Variants in ASPH observed in about 807,000 individuals in gnomAD.
ASPH encodes aspartate beta-hydroxylase, also known as aspartyl/asparaginyl beta-hydroxylase.
ASPH carries 100 observed loss-of-function variants against 118.4 expected under a neutral mutation model. The observed-to-expected ratio is 0.84, with a 90% CI of 0.72 to 1.00. The LOEUF is 1.00. ASPH is among the 50% of genes least tolerant of loss of function. The pLI is 0.00. For missense variants in ASPH, 920 were observed against 919.5 expected, an observed-to-expected ratio of 1.00 and a Z score of -0.01; for synonymous variants, 315 against 325.6, an observed-to-expected ratio of 0.97 and a Z score of 0.35.
rs1206762846 is a variant in ASPH, at chr8:61,526,058, T to C, written c.1819A>G (p.Lys607Glu). ...TCAGGCAGGAAGAGACCTTTGGCTT[T>C]ATCCATCACTGCAAGGCCTTCATCT... is the stretch of plus-strand genomic sequence containing the variant. ...IRDEGLAVMDKAKGLFLPEDE... is the reference protein window; with the variant it reads ...IRDEGLAVMDEAKGLFLPEDE... The change falls in exon 22 of 25, where the codon AAA (lysine) becomes GAA (glutamate). Residue 607 changes from lysine to glutamate, a missense_variant. By Grantham distance (56) the Lys-to-Glu change is moderately conservative. Transcript: ENST00000379454. 1 of 1,613,932 alleles carries C rather than the reference T, an allele frequency of 6.2e-7. No individual in the cohort carries two copies. The highest frequency in any genetic ancestry group is 2.2e-5 in the East Asian group (1 of 44,890).
At chr8:61,688,094 C>A (rs1831265868) in intron 1 of ASPH, among the ~76,000 whole-genome samples, 1 of 152,120 alleles carries the variant, frequency 6.6e-6, no homozygotes, top group Non-Finnish European at 1.5e-5. Flanking sequence ...CATGGTAAGA[C>A]AAACCCTTAA....
intron 22 of ASPH, among the ~76,000 whole-genome samples, chr8:61,520,802 TCACAAG>T (rs1327275779): frequency 6.6e-6 from 1 of 152,182 alleles, no homozygotes; most frequent in African/African-American, 2.4e-5. Context: ...CCTGGAGTTC[TCACAAG>T]CACCAGGTGG....
intron 14 of ASPH, among the ~76,000 whole-genome samples, chr8:61,584,916 T>C (rs757709446): frequency 1.4e-4 from 21 of 152,190 alleles, no homozygotes; most frequent in Non-Finnish European, 2.6e-4. Flanking sequence ...ACGCTCCTTA[T>C]AAAGTTTCTC....
At chr8:61,517,709 A>T in intron 23 of ASPH, 48 bp from the exon 24 acceptor site, 1 of 1,591,040 alleles carries the variant, frequency 6.3e-7, no homozygotes, top group Middle Eastern at 1.7e-4. Context: ...CAAGGTGTGG[A>T]GGAACTGCTA....
intron 16 of ASPH, 39 bp downstream of exon 16, chr8:61,576,733 C>T: frequency 1.3e-6 from 2 of 1,545,648 alleles, no homozygotes; most frequent in Non-Finnish European, 8.8e-7. Context: ...AACACATGAA[C>T]ATCAAAAAAG....
At chr8:61,543,034 A>C (rs1822525177) in intron 21 of ASPH, among the ~76,000 whole-genome samples, 1 of 152,228 alleles carries the variant, frequency 6.6e-6, no homozygotes, top group Non-Finnish European at 1.5e-5. Flanking sequence ...ATTTGAGATT[A>C]GAATTTGAAA....
chr8:61,524,181 A>C (rs530742283), intron 22 of ASPH, among the ~76,000 whole-genome samples: 2 of 152,358 alleles, frequency 1.3e-5, no homozygotes, highest in African/African-American at 4.8e-5. Context: ...CAATGTGGAA[A>C]CCAGGGCAGA....
At chr8:61,531,585 A>G (rs1409726750) in intron 21 of ASPH, among the ~76,000 whole-genome samples, 4 of 152,000 alleles carry the variant, frequency 2.6e-5, no homozygotes, top group South Asian at 4.2e-4. Context: ...TGTATAGTTG[A>G]CAGAGATTGA....
Position 61,503,475 on chromosome 8 carries a change from C to A in ASPH, c.2161G>T (p.Asp721Tyr), listed in dbSNP as rs1563609732. 1 of 1,612,722 alleles carries A rather than the reference C, an allele frequency of 6.2e-7. No homozygotes were observed. Among genetic ancestry groups the A allele is most frequent in the South Asian group, 1.1e-5 (1 of 90,750 alleles). The change falls in exon 25 of 25, where the codon GAC (aspartate) becomes TAC (tyrosine). Residue 721 changes from aspartate (D) to tyrosine (Y), a missense_variant. By Grantham distance (160) the Asp-to-Tyr change is radical. Coordinates refer to ENST00000379454, the MANE Select transcript of ASPH (RefSeq NM_004318.4). ...TGCCATACCTCGTGCTCAAAGGAGTCATCAAAGATGAGCACCTTGCCTTCC... is the reference window on the plus strand; with the variant it reads ...TGCCATACCTCGTGCTCAAAGGAGTAATCAAAGATGAGCACCTTGCCTTCC... ...WEEGKVLIFD[D>Y]SFEHEVWQDA...
intron 17 of ASPH, among the ~76,000 whole-genome samples, chr8:61,563,206 G>A (rs1411659562): frequency 7.1e-6 from 1 of 140,054 alleles, no homozygotes; most frequent in East Asian, 2.1e-4. Context: ...AAAAAAAAAA[G>A]TTCTGCTGAA....
chr8:61,576,671 T>C (rs1392876769), intron 16 of ASPH, 101 bp downstream of exon 16: 5 of 993,670 alleles, frequency 5.0e-6, no homozygotes, highest in African/African-American at 4.8e-5. Flanking sequence ...ACTGATTCTG[T>C]AGAGAAATTA....
intron 21 of ASPH, among the ~76,000 whole-genome samples, chr8:61,539,695 CT>C (rs1820992657): frequency 5.5e-5 from 2 of 36,664 alleles, no homozygotes; most frequent in Admixed American, 6.6e-4. Context: ...CCTAACACTT[CT>C]GGGGTGTGTG....
At chr8:61,517,413 C>T (rs1162482725) in intron 24 of ASPH, 115 bp downstream of exon 24, 2 of 1,423,232 alleles carry the variant, frequency 1.4e-6, no homozygotes, top group African/African-American at 2.9e-5. Context: ...TATCACTTTG[C>T]TCCAGTCTAC....
At chr8:61,714,095 C>A (rs1375582391) in intron 1 of ASPH, among the ~76,000 whole-genome samples, 174 bp downstream of exon 1, 1 of 152,216 alleles carries the variant, frequency 6.6e-6, no homozygotes, top group African/African-American at 2.4e-5. Context: ...CCTCGCCCGC[C>A]CGCCAGGCCC....
intron 1 of ASPH, among the ~76,000 whole-genome samples, chr8:61,704,531 C>A (rs766027362): frequency 1.3e-4 from 19 of 151,656 alleles, no homozygotes; most frequent in Non-Finnish European, 2.8e-4. Flanking sequence ...TAAATATCAG[C>A]ATTAAAAATA....
intron 1 of ASPH, among the ~76,000 whole-genome samples, chr8:61,696,254 T>G (rs1010005964): frequency 6.6e-6 from 1 of 152,228 alleles, no homozygotes; most frequent in African/African-American, 2.4e-5. Context: ...AGGGGCGCCA[T>G]GAGTTTTAGA....
intron 21 of ASPH, among the ~76,000 whole-genome samples, chr8:61,533,027 C>A (rs1346544992): frequency 1.3e-5 from 2 of 151,992 alleles, no homozygotes; most frequent in Non-Finnish European, 2.9e-5. Flanking sequence ...TACTCAGTGG[C>A]ACCCTTCAAC....
At chr8:61,517,403 T>C in intron 24 of ASPH, 125 bp downstream of exon 24, 1 of 1,359,258 alleles carries the variant, frequency 7.4e-7, no homozygotes, top group South Asian at 1.4e-5. Context: ...TTTGGATTAA[T>C]ATCACTTTGC....
chr8:61,548,196 AC>A lies in ASPH; in HGVS notation c.1638del (p.Trp546CysfsTer22), dbSNP rs760770207. The A allele has an allele frequency of 6.2e-7, 1 of 1,613,566 alleles. No individual in the cohort carries two copies. Among genetic ancestry groups the A allele is most frequent in the Admixed American group, 1.7e-5 (1 of 59,942 alleles). ...TGTCCTCTCTTGTGCCCAAGCTCATACCACTTATATGCCTGAAGGAACAGAA... is the reference window on the plus strand; with the variant it reads ...TGTCCTCTCTTGTGCCCAAGCTCATACACTTATATGCCTGAAGGAACAGAA... ...QRVGNKEAYK[W>X]YELGHKRGHF... is the part of the protein sequence containing the mutation. On this transcript the variant is annotated frameshift_variant, in exon 21 of 25. Transcript: ENST00000379454. LOFTEE classifies it high-confidence loss of function.
Sources: allele counts gnomAD v4.1 joint callset (sites outside exome capture counted in the v4.1 genomes callset), GRCh38; gene constraint gnomAD v4.1.1; transcripts MANE v1.5; gene names NCBI Gene and HGNC (gene_info 2026-07-23, HGNC 2026-07-21).